The following PCDHA7 variants were observed in gnomAD, a reference collection of about 807,000 sequenced individuals.
The protein encoded by PCDHA7 is protocadherin alpha-7.
In PCDHA7, 37 loss-of-function variants were observed where a neutral mutation model predicts 57.2. That is an observed-to-expected ratio of 0.65 (90% CI 0.50 to 0.85). The LOEUF is 0.85. PCDHA7 is among the 40% of genes least tolerant of loss of function. The pLI is 0.00. For synonymous variants in PCDHA7, 553 were observed against 558.8 expected, an observed-to-expected ratio of 0.99 and a Z score of 0.15; for missense variants, 1,188 against 1,241.8, an observed-to-expected ratio of 0.96 and a Z score of 0.65.
rs782537686 is a variant in PCDHA7, at chr5:140,967,852, C to T, written c.2356-11097C>T. 13 of 1,614,142 alleles carry T rather than the reference C, an allele frequency of 8.1e-6. No homozygotes were observed. The Middle Eastern group carries it at 1.2e-3, about 143-fold the overall frequency. On this transcript the variant is annotated intron_variant, in intron 1 of 3. Transcript: ENST00000525929. ...ACATCGTGGACGTGAATGACAATGC[C>T]CCAGAGGTGGTGCTCACGGACCTGT...
chr5:140,979,241 G>A (rs766062040), intron 2 of PCDHA7, among the ~76,000 whole-genome samples: 4 of 152,150 alleles, frequency 2.6e-5, no homozygotes, highest in Non-Finnish European at 5.9e-5. Context: ...CACAGAAACA[G>A]GCTGCTATGT....
chr5:140,958,617 A>C (rs2095434462), intron 1 of PCDHA7, among the ~76,000 whole-genome samples: 1 of 152,204 alleles, frequency 6.6e-6, no homozygotes, highest in Admixed American at 6.5e-5. Flanking sequence ...ATACTAGTCC[A>C]GCTTGAGAGT....
At chr5:140,926,598 G>A (rs2083387215) in intron 1 of PCDHA7, 1 of 313,802 alleles carries the variant, frequency 3.2e-6, no homozygotes. Flanking sequence ...CGGGCGGGCG[G>A]CCTCGTCTCT....
chr5:140,966,452 C>T, intron 1 of PCDHA7: 1 of 425,890 alleles, frequency 2.3e-6, no homozygotes, highest in South Asian at 9.0e-5. Flanking sequence ...TTTCCCCCTC[C>T]CCCTCTGTCT....
chr5:140,842,961 G>A (rs1778431157), intron 1 of PCDHA7: 1 of 1,594,950 alleles, frequency 6.3e-7, no homozygotes, highest in African/African-American at 1.3e-5. Context: ...CCTCTGGGCA[G>A]CAACGTGACG....
chr5:140,861,426 T>G (rs1451953787), intron 1 of PCDHA7: 8 of 485,290 alleles, frequency 1.6e-5, no homozygotes, highest in South Asian at 1.1e-4. Flanking sequence ...CCTGTTTCAG[T>G]TGGATTCCAA....
intron 1 of PCDHA7, among the ~76,000 whole-genome samples, chr5:140,925,122 GA>G (rs1298426256): frequency 2.7e-5 from 4 of 150,724 alleles, no homozygotes; most frequent in Non-Finnish European, 4.4e-5. Flanking sequence ...AGGAAGGAAG[GA>G]AAAAAAATTT....
chr5:140,937,644 G>A (rs1554211697), intron 1 of PCDHA7, among the ~76,000 whole-genome samples: 1 of 151,048 alleles, frequency 6.6e-6, no homozygotes, highest in African/African-American at 2.4e-5. Flanking sequence ...AGGGCATGGT[G>A]GCTCACGCCT....
intron 3 of PCDHA7, among the ~76,000 whole-genome samples, chr5:140,997,115 C>A (rs537421169): frequency 9.2e-5 from 14 of 152,116 alleles, no homozygotes; most frequent in Non-Finnish European, 1.6e-4. Flanking sequence ...TCCTGCTCTC[C>A]CACATACACA....
intron 3 of PCDHA7, among the ~76,000 whole-genome samples, chr5:140,998,370 G>A (rs1321470929): frequency 2.6e-5 from 4 of 152,106 alleles, no homozygotes; most frequent in Admixed American, 1.3e-4. Flanking sequence ...TGCACACACC[G>A]TCTCTAGAAA....
intron 1 of PCDHA7, chr5:140,849,391 G>A: frequency 1.3e-6 from 2 of 1,539,768 alleles, no homozygotes; most frequent in South Asian, 1.1e-5. Flanking sequence ...GACCCCTTAA[G>A]TGGGGCAATC....
intron 3 of PCDHA7, among the ~76,000 whole-genome samples, chr5:140,992,959 T>A (rs1262703040): frequency 6.6e-6 from 1 of 152,206 alleles, no homozygotes; most frequent in Non-Finnish European, 1.5e-5. Context: ...TCACCCCTTA[T>A]ACTGCTGACA....
Position 140,852,809 on chromosome 5 carries a change from C to T in PCDHA7, c.2355+16071C>T, listed in dbSNP as rs1429984533. 2.4e-5 allele frequency: 23 copies of T among 974,514 alleles called. 1 individual carries two copies. The highest frequency in any genetic ancestry group is 6.3e-5 in the Admixed American group (1 of 15,844). 60.4% of individuals were successfully genotyped at this position (974,514 alleles called of 1,614,324 possible). A position where few individuals can be genotyped will look rare whatever the true frequency, so the allele number is the denominator to read the frequency against. On this transcript the variant is annotated intron_variant, in intron 1 of 3. Transcript: ENST00000525929. Reference sequence around the variant, plus strand: ...GGATGCTACAGATGTCATTTGTCTCCCGCCCTAAGTCCTCCAGTCTCCTTA... The same window carrying T: ...GGATGCTACAGATGTCATTTGTCTCTCGCCCTAAGTCCTCCAGTCTCCTTA...
chr5:140,842,383 C>G lies in PCDHA7; in HGVS notation c.2355+5645C>G, dbSNP rs1554138979. 20 of 1,610,678 alleles carry G rather than the reference C, an allele frequency of 1.2e-5. No individual in the cohort carries two copies. In the South Asian group the frequency reaches 2.2e-4, roughly 18 times the overall value. On this transcript the variant is annotated intron_variant, in intron 1 of 3. Coordinates refer to ENST00000525929, the MANE Select transcript of PCDHA7 (RefSeq NM_018910.3). ...ACGTCCCTGAGATAGCACTGACTTC[C>G]TTATCCTTGCCTGTACGTGAAGACG... is the stretch of plus-strand genomic sequence containing the variant.
In PCDHA7 at chr5:141,010,147, C is replaced by T. The variant is rs895381983; in HGVS notation, c.*210C>T. ...AAGTCTGGTGTTAACTCTTTCTCTC[C>T]ACTCTGGCTTGTTTTCAGAACCTAA... On this transcript the variant is annotated 3_prime_UTR_variant, in exon 4 of 4. Coordinates refer to ENST00000525929, the MANE Select transcript of PCDHA7 (RefSeq NM_018910.3). 3.2e-6 allele frequency: 5 copies of T among 1,583,190 alleles called. No homozygotes were observed. The highest frequency in any genetic ancestry group is 4.3e-6 in the Non-Finnish European group (5 of 1,163,606).
chr5:140,886,498 C>T (rs1415505049), intron 1 of PCDHA7, among the ~76,000 whole-genome samples: 1 of 151,920 alleles, frequency 6.6e-6, no homozygotes, highest in African/African-American at 2.4e-5. Context: ...ATATCTTTTT[C>T]CTTTTATGGA....
chr5:140,862,787 A>G, intron 1 of PCDHA7: 1 of 578,112 alleles, frequency 1.7e-6, no homozygotes. Context: ...CCACTGGACT[A>G]CGAGGAGCTG....
intron 1 of PCDHA7, chr5:140,856,914 G>A (rs1554149290): frequency 1.3e-6 from 2 of 1,596,230 alleles, no homozygotes; most frequent in East Asian, 4.5e-5. Flanking sequence ...CCCACGATAA[G>A]AAGGAAATTT....
intron 1 of PCDHA7, chr5:140,966,944 A>C: frequency 6.2e-7 from 1 of 1,603,894 alleles, no homozygotes; most frequent in Non-Finnish European, 8.5e-7. Context: ...GCTCGTGGGC[A>C]ACGTGGCTCG....
Sources: gnomAD v4.1 joint callset for allele counts (sites outside exome capture counted in the v4.1 genomes callset) on GRCh38, gnomAD v4.1.1 for gene constraint, MANE v1.5 for transcripts, NCBI Gene and HGNC (gene_info 2026-07-23, HGNC 2026-07-21) for gene names.